IHO1: variants seen among roughly 807,000 people sequenced by gnomAD.
The protein encoded by IHO1 is interactor of HORMAD1 1, also known as interactor of HORMAD1 protein 1.
IHO1 carries 13 observed loss-of-function variants against 31.0 expected under a neutral mutation model. The ratio of observed to expected loss-of-function variants is 0.42; its 90% confidence interval spans 0.27 to 0.67. The LOEUF is 0.67. IHO1 is among the 30% of genes least tolerant of loss of function. The probability of loss-of-function intolerance (pLI) is 0.24; values close to 1 mark genes in which losing one functional copy is unlikely to be tolerated. For missense variants in IHO1, 599 were observed against 687.5 expected, an observed-to-expected ratio of 0.87 and a Z score of 1.44; for synonymous variants, 221 against 248.4, an observed-to-expected ratio of 0.89 and a Z score of 1.04.
chr3:49,210,399 G>A (rs1445341304), intron 1 of IHO1, among the ~76,000 whole-genome samples: 1 of 151,404 alleles, frequency 6.6e-6, no homozygotes, highest in Non-Finnish European at 1.5e-5. Context: ...ACCACACCCT[G>A]CTAATTTTTT....
intron 2 of IHO1, among the ~76,000 whole-genome samples, chr3:49,215,771 T>A (rs1254150689): frequency 6.6e-6 from 1 of 152,198 alleles, no homozygotes; most frequent in Non-Finnish European, 1.5e-5. Context: ...CAAGGAGGCA[T>A]CTAGTGCAGT....
At chr3:49,236,158 G>A (rs1378947053) in intron 2 of IHO1, among the ~76,000 whole-genome samples, 4 of 151,684 alleles carry the variant, frequency 2.6e-5, no homozygotes, top group East Asian at 1.9e-4. Context: ...GCAGTGAGCC[G>A]AGATCATGCC....
chr3:49,213,011 G>T (rs1354715751), intron 2 of IHO1, among the ~76,000 whole-genome samples: 2 of 152,188 alleles, frequency 1.3e-5, no homozygotes, highest in Non-Finnish European at 2.9e-5. Flanking sequence ...TTTTGACAGG[G>T]TGCTGATTGG....
intron 1 of IHO1, among the ~76,000 whole-genome samples, chr3:49,210,764 C>T (rs1175162979): frequency 3.4e-5 from 5 of 148,192 alleles, no homozygotes; most frequent in Non-Finnish European, 5.9e-5. Context: ...GTCGTGTGAC[C>T]TTGGCTCACT....
intron 2 of IHO1, among the ~76,000 whole-genome samples, chr3:49,233,191 G>A (rs2046505001): frequency 6.6e-6 from 1 of 152,146 alleles, no homozygotes; most frequent in Non-Finnish European, 1.5e-5. Flanking sequence ...AAACAAAACG[G>A]TCAGATGGTA....
At chr3:49,198,624 G>C (rs1559433588), upstream of IHO1, 1 of 152,182 alleles carries the variant, frequency 6.6e-6, no homozygotes, top group Non-Finnish European at 1.5e-5. Flanking sequence ...AGGTTCAAAC[G>C]ATCCTCCCGC....
chr3:49,206,008 G>C (rs936433650), intron 1 of IHO1, among the ~76,000 whole-genome samples: 1 of 151,646 alleles, frequency 6.6e-6, no homozygotes, highest in African/African-American at 2.4e-5. Context: ...CTGTCTCCCA[G>C]GCTGGAGTGC....
At chr3:49,195,827 C>T (rs969311533), upstream of IHO1, among the ~76,000 whole-genome samples, 31 of 150,244 alleles carry the variant, frequency 2.1e-4, no homozygotes, top group Non-Finnish European at 1.3e-4. Context: ...GGGGGCCAGG[C>T]GCGGTGGCTA....
the IHO1 span, among the ~76,000 whole-genome samples, chr3:49,191,407 A>G: frequency 1.3e-5 from 2 of 152,216 alleles, no homozygotes; most frequent in South Asian, 4.1e-4. Flanking sequence ...CAAAAACACA[A>G]TCTTTGCCCT....
In IHO1 at chr3:49,241,249, G is replaced by T. The variant is rs776322801; in HGVS notation, c.255G>T (p.Lys85Asn). 2.5e-6 allele frequency: 4 copies of T among 1,609,828 alleles called. No individual in the cohort carries two copies. The South Asian group carries it at 4.4e-5, about 18-fold the overall frequency. ...YLEGEPSIFT[K>N]YQTKPQLFGG... ...AGGGTGAACCTAGCATTTTCACAAA[G>T]TACCAGACAAAGCCCCAGCTGTTCG... is the stretch of plus-strand genomic sequence containing the variant. The change falls in exon 4 of 8, where the codon AAG (lysine) becomes AAT (asparagine). Residue 85 changes from lysine (K) to asparagine (N), a missense_variant. By Grantham distance (94) the Lys-to-Asn change is moderately conservative. Transcript: ENST00000452691.
At chr3:49,225,524 T>G (rs1039145121) in intron 2 of IHO1, among the ~76,000 whole-genome samples, 3 of 152,166 alleles carry the variant, frequency 2.0e-5, no homozygotes, top group African/African-American at 7.2e-5. Context: ...TTGAGTTTGT[T>G]CCTTCCAATG....
intron 6 of IHO1, among the ~76,000 whole-genome samples, chr3:49,245,969 G>T (rs758955897): frequency 6.7e-6 from 1 of 150,156 alleles, no homozygotes; most frequent in Non-Finnish European, 1.5e-5. Context: ...AGATCACAAG[G>T]TCAGGAGTTC....
the IHO1 span, chr3:49,191,812 T>C: frequency 6.5e-7 from 1 of 1,533,974 alleles, no homozygotes; most frequent in Non-Finnish European, 8.7e-7. Context: ...TTTCCTCTTG[T>C]CTTTTGGAGG....
At chr3:49,212,648 C>G (rs1229560430) in intron 2 of IHO1, among the ~76,000 whole-genome samples, 1 of 151,990 alleles carries the variant, frequency 6.6e-6, no homozygotes, top group Non-Finnish European at 1.5e-5. Flanking sequence ...TGTTACAGTT[C>G]TTAAAAGCGG....
intron 2 of IHO1, among the ~76,000 whole-genome samples, chr3:49,224,247 TC>T (rs1337735142): frequency 6.6e-6 from 1 of 152,184 alleles, no homozygotes; most frequent in Non-Finnish European, 1.5e-5. Context: ...AGGGAGTTGT[TC>T]CATACCAAGG....
intron 1 of IHO1, among the ~76,000 whole-genome samples, chr3:49,205,463 C>G (rs1009267698): frequency 6.6e-6 from 1 of 151,572 alleles, no homozygotes; most frequent in Non-Finnish European, 1.5e-5. Context: ...AGATTACAGG[C>G]GCGTACCAAC....
In IHO1 at chr3:49,241,296, G is replaced by A. The variant is rs925320002; in HGVS notation, c.302G>A (p.Gly101Asp). The A allele has an allele frequency of 6.2e-7, 1 of 1,613,756 alleles. No individual in the cohort carries two copies. The highest frequency in any genetic ancestry group is 2.2e-5 in the East Asian group (1 of 44,858). ...TTCGGAGGAGATATAAAAGATGGAG[G>A]TTTATTTCCTCCTCCTTTGTCAGTT... ...QLFGGDIKDG[G>D]LFPPPLSVGK... Residue 101 changes from glycine (G) to aspartate (D), a missense_variant, in exon 4 of 8, where the codon GGT (glycine) becomes GAT (aspartate). By Grantham distance (94) the Gly-to-Asp change is moderately conservative. Coordinates refer to ENST00000452691, the MANE Select transcript of IHO1 (RefSeq NM_001135197.2).
intron 6 of IHO1, among the ~76,000 whole-genome samples, chr3:49,246,465 C>T (rs749272725): frequency 1.3e-5 from 2 of 151,950 alleles, no homozygotes; most frequent in Admixed American, 1.3e-4. Context: ...GCCAAAATGA[C>T]GAAAGCCCGT....
intron 1 of IHO1, among the ~76,000 whole-genome samples, chr3:49,204,100 AGT>A (rs542646356): frequency 3.5e-4 from 53 of 152,304 alleles, no homozygotes; most frequent in Non-Finnish European, 5.4e-4. Context: ...AACCCACTCT[AGT>A]GATAATGAAC....
Sources: allele counts gnomAD v4.1 joint callset (sites outside exome capture counted in the v4.1 genomes callset), GRCh38; gene constraint gnomAD v4.1.1; transcripts MANE v1.5; gene names NCBI Gene and HGNC (gene_info 2026-07-23, HGNC 2026-07-21).